Variants in SH3PXD2A observed in about 807,000 individuals in gnomAD.
The protein encoded by SH3PXD2A is SH3 and PX domains 2A.
SH3PXD2A carries 32 observed loss-of-function variants against 115.2 expected under a neutral mutation model. The ratio of observed to expected loss-of-function variants is 0.28; its 90% CI spans 0.21 to 0.37. The LOEUF is 0.37. Among genes scored for constraint, SH3PXD2A ranks in the 10% least tolerant of loss-of-function variants. The probability of loss-of-function intolerance (pLI) is 1.00; values close to 1 mark genes in which losing one functional copy is unlikely to be tolerated. For synonymous variants in SH3PXD2A, 610 were observed against 629.1 expected (o/e 0.97, Z 0.45); for missense variants, 1,328 against 1,498.7 (o/e 0.89, Z 1.88).
At chr10:103,671,735 G>A (rs572486160) in intron 6 of SH3PXD2A, among the ~76,000 whole-genome samples, 2 of 152,272 alleles carry the variant, frequency 1.3e-5, no homozygotes, top group African/African-American at 4.8e-5. Flanking sequence ...ACGGGGAGTT[G>A]GAGAGACAGA....
intron 5 of SH3PXD2A, among the ~76,000 whole-genome samples, chr10:103,699,960 A>G (rs1188545317): frequency 6.6e-6 from 1 of 152,182 alleles, no homozygotes; most frequent in Admixed American, 6.5e-5. Context: ...CATCCCAGAG[A>G]GGCCAGATGC....
chr10:103,664,690 G>A (rs574102774), intron 7 of SH3PXD2A, among the ~76,000 whole-genome samples: 4 of 142,572 alleles, frequency 2.8e-5, no homozygotes, highest in East Asian at 4.1e-4. Flanking sequence ...TTTTTGAGAC[G>A]GAGTCTTGCT....
intron 1 of SH3PXD2A, among the ~76,000 whole-genome samples, chr10:103,836,235 C>G (rs1001258897): frequency 3.3e-5 from 5 of 152,130 alleles, no homozygotes; most frequent in African/African-American, 1.2e-4. Context: ...TTCTTGGACC[C>G]CCTAGCCTGA....
intron 14 of SH3PXD2A, 133 bp from the exon 15 acceptor site, chr10:103,603,922 G>A: frequency 9.9e-7 from 1 of 1,008,754 alleles, no homozygotes; most frequent in Non-Finnish European, 1.4e-6. Flanking sequence ...GAGCCACTGA[G>A]TAAGTGGCCC....
chr10:103,775,227 T>C (rs987840793), intron 2 of SH3PXD2A, among the ~76,000 whole-genome samples: 1 of 152,180 alleles, frequency 6.6e-6, no homozygotes, highest in African/African-American at 2.4e-5. Context: ...GAAGTCTTCT[T>C]TGACCATTTT....
chr10:103,846,414 G>T (rs1842849211), intron 1 of SH3PXD2A, among the ~76,000 whole-genome samples: 1 of 152,258 alleles, frequency 6.6e-6, no homozygotes, highest in Non-Finnish European at 1.5e-5. Context: ...TTCACTAAGA[G>T]CCTAAGTACT....
intron 1 of SH3PXD2A, among the ~76,000 whole-genome samples, chr10:103,835,066 G>A (rs2039519298): frequency 6.6e-6 from 1 of 152,198 alleles, no homozygotes; most frequent in African/African-American, 2.4e-5. Context: ...CACAGGTGGG[G>A]CAGAGGTGGC....
chr10:103,661,831 G>A (rs1053706986), intron 7 of SH3PXD2A: 2 of 985,166 alleles, frequency 2.0e-6, no homozygotes, highest in Non-Finnish European at 2.4e-6. Context: ...AGGCAGGGGA[G>A]GGGGAGGAGG....
intron 1 of SH3PXD2A, among the ~76,000 whole-genome samples, chr10:103,813,310 AT>A (rs2039290709): frequency 6.6e-6 from 1 of 151,988 alleles, no homozygotes; most frequent in Non-Finnish European, 1.5e-5. Flanking sequence ...TACTTTATAG[AT>A]TTCTTTTTTT....
chr10:103,828,076 C>A (rs983034454), intron 1 of SH3PXD2A, among the ~76,000 whole-genome samples: 4 of 152,202 alleles, frequency 2.6e-5, no homozygotes, highest in Non-Finnish European at 2.9e-5. Context: ...GGGGCACTGG[C>A]ACATCTTTTG....
chr10:103,719,715 T>C (rs1465933073), intron 5 of SH3PXD2A, among the ~76,000 whole-genome samples: 2 of 132,076 alleles, frequency 1.5e-5, no homozygotes, highest in Non-Finnish European at 3.2e-5. Flanking sequence ...CTTTTTTTTT[T>C]TCTTTCTTTT....
intron 1 of SH3PXD2A, among the ~76,000 whole-genome samples, chr10:103,845,188 G>A (rs1482801617): frequency 2.0e-5 from 3 of 151,506 alleles, no homozygotes; most frequent in Admixed American, 6.6e-5. Flanking sequence ...AAAATTAGCC[G>A]GGCATGGTGG....
In SH3PXD2A at chr10:103,625,042, C is replaced by A. The variant is rs966302594; in HGVS notation, c.718+2047G>T. Among the ~76,000 whole-genome samples the A allele has an allele frequency of 7.2e-5, 11 of 152,324 alleles. No homozygotes were observed. In the South Asian group the frequency reaches 2.3e-3, roughly 32 times the overall value. The stretch of plus-strand genomic sequence containing the variant: ...CACACACACCCACACCCACCCCCCA[C>A]ACACATACACCCACACCGCCTCTGA... On this transcript the variant is annotated intron_variant, in intron 9 of 14. Transcript: ENST00000369774.
At chr10:103,680,002 T>C (rs1592297703) in intron 6 of SH3PXD2A, among the ~76,000 whole-genome samples, 1 of 152,202 alleles carries the variant, frequency 6.6e-6, no homozygotes, top group Non-Finnish European at 1.5e-5. Context: ...TTTTTTGAGA[T>C]AGAGTCTCGC....
intron 6 of SH3PXD2A, among the ~76,000 whole-genome samples, chr10:103,677,640 G>A (rs968088739): frequency 1.6e-4 from 25 of 152,160 alleles, no homozygotes; most frequent in African/African-American, 5.6e-4. Context: ...GGCTCCAAAC[G>A]TCTGGTTAGG....
chr10:103,742,437 G>A (rs895018858), intron 3 of SH3PXD2A, among the ~76,000 whole-genome samples: 3 of 152,154 alleles, frequency 2.0e-5, no homozygotes, highest in African/African-American at 7.2e-5. Flanking sequence ...CTATATCCAG[G>A]ATGATCTAAT....
intron 1 of SH3PXD2A, among the ~76,000 whole-genome samples, chr10:103,806,863 C>T (rs1432070423): frequency 6.6e-6 from 1 of 152,172 alleles, no homozygotes; most frequent in Non-Finnish European, 1.5e-5. Flanking sequence ...CAGGCCCTCC[C>T]ACCATGCTCA....
chr10:103,830,756 G>C (rs541949719), intron 1 of SH3PXD2A, among the ~76,000 whole-genome samples: 1 of 152,318 alleles, frequency 6.6e-6, no homozygotes, highest in East Asian at 1.9e-4. Context: ...ATAACACCAT[G>C]TATATAGATT....
chr10:103,821,205 C>T (rs1393881831), intron 1 of SH3PXD2A, among the ~76,000 whole-genome samples: 10 of 135,600 alleles, frequency 7.4e-5, no homozygotes, highest in African/African-American at 2.8e-4. Flanking sequence ...TGCAGTGGTG[C>T]GGTCTCGGCT....
Sources: allele counts gnomAD v4.1 joint callset (sites outside exome capture counted in the v4.1 genomes callset), GRCh38; gene constraint gnomAD v4.1.1; transcripts MANE v1.5; gene names NCBI Gene and HGNC (gene_info 2026-07-23, HGNC 2026-07-21).